ZNF407: variants seen among roughly 807,000 people sequenced by gnomAD.
ZNF407 encodes zinc finger protein 407.
ZNF407 carries 17 observed loss-of-function variants against 131.2 expected under a neutral mutation model. The ratio of observed to expected loss-of-function variants is 0.13; its 90% confidence interval spans 0.09 to 0.19. ZNF407 has a LOEUF of 0.19. Ranked by LOEUF, ZNF407 falls within the 10% of genes least tolerant of loss-of-function variation. The probability of loss-of-function intolerance (pLI) is 1.00; values close to 1 mark genes in which losing one functional copy is unlikely to be tolerated. For synonymous variants in ZNF407, 1,156 were observed against 1,062.0 expected, an observed-to-expected ratio of 1.09 and a Z score of -1.72; for missense variants, 2,681 against 2,830.6, an observed-to-expected ratio of 0.95 and a Z score of 1.20.
chr18:74,625,823 A>C (rs1983762616), intron 1 of ZNF407, among the ~76,000 whole-genome samples: 1 of 152,234 alleles, frequency 6.6e-6, no homozygotes, highest in African/African-American at 2.4e-5. Context: ...GTACCTTACA[A>C]GTGCTTGGAA....
Position 75,065,099 on chromosome 18 carries a change from G to T in ZNF407, c.*631G>T, listed in dbSNP as rs1973697562. 1 of 152,402 alleles carries T rather than the reference G, an allele frequency of 6.6e-6. No individual in the cohort carries two copies. Among genetic ancestry groups the T allele is most frequent in the East Asian group, 1.9e-4 (1 of 5,176 alleles). The allele number at this position is 152,402 out of a possible 1,614,324, so 9.4% of individuals were successfully genotyped here. A position where few individuals can be genotyped will look rare whatever the true frequency, so the allele number is the denominator to read the frequency against. Reference sequence around the variant, plus strand: ...AATTTCCCATCTTCAAACAGTTTAGGTGTATTTGTTGCTCTGGTCACATTC... The same window carrying T: ...AATTTCCCATCTTCAAACAGTTTAGTTGTATTTGTTGCTCTGGTCACATTC... On this transcript the variant is annotated 3_prime_UTR_variant, in exon 9 of 9. Coordinates refer to ENST00000299687, the MANE Select transcript of ZNF407 (RefSeq NM_017757.3).
chr18:74,650,594 T>G (rs939682679), intron 3 of ZNF407, among the ~76,000 whole-genome samples: 1 of 152,130 alleles, frequency 6.6e-6, no homozygotes, highest in African/African-American at 2.4e-5. Context: ...GGTCATACAC[T>G]TTAGGGTGGG....
intron 3 of ZNF407, among the ~76,000 whole-genome samples, chr18:74,706,940 C>CCTTTTTT (rs1967637808): frequency 7.6e-6 from 1 of 132,352 alleles, no homozygotes; most frequent in Non-Finnish European, 1.6e-5. Context: ...AAGACAGCAG[C>CCTTTTTT]TTTTTTTTTT....
Position 74,634,325 on chromosome 18 carries a change from A to G in ZNF407, c.3306A>G (p.Gln1102=), listed in dbSNP as rs748010613. The G allele has an allele frequency of 3.6e-5, 58 of 1,613,898 alleles. No homozygotes were observed. Among genetic ancestry groups the G allele is most frequent in the Non-Finnish European group, 4.6e-5 (54 of 1,179,882 alleles). The part of the protein sequence containing the change: ...KNIIMPEEEH[Q]QNSEEFQIIS... ...TCATTATGCCTGAAGAAGAGCATCA[A>G]CAAAATTCTGAGGAATTTCAAATAA... is the stretch of plus-strand genomic sequence containing the variant. The change falls in exon 2 of 9, where the codon CAA becomes CAG. Residue 1102 remains glutamine (Q), a synonymous_variant. Coordinates refer to ENST00000299687, the MANE Select transcript of ZNF407 (RefSeq NM_017757.3).
chr18:74,847,706 C>T (rs569244074), intron 4 of ZNF407, among the ~76,000 whole-genome samples: 104 of 152,300 alleles, frequency 6.8e-4, no homozygotes, highest in Non-Finnish European at 1.3e-3. Context: ...TGTATGTCTG[C>T]TGTCAGCATA....
intron 4 of ZNF407, among the ~76,000 whole-genome samples, chr18:74,839,483 G>A (rs1970602534): frequency 6.6e-6 from 1 of 152,168 alleles, no homozygotes; most frequent in Non-Finnish European, 1.5e-5. Context: ...GTGCTCTTAG[G>A]CCTTTCATCT....
chr18:74,970,657 A>G (rs1187643605), intron 8 of ZNF407, among the ~76,000 whole-genome samples: 1 of 152,156 alleles, frequency 6.6e-6, no homozygotes, highest in East Asian at 1.9e-4. Flanking sequence ...TGCCCCTGCC[A>G]CTTTGCAGGG....
chr18:75,011,690 TATC>T (rs1972976120), intron 8 of ZNF407, among the ~76,000 whole-genome samples: 1 of 152,180 alleles, frequency 6.6e-6, no homozygotes, highest in African/African-American at 2.4e-5. Context: ...TCAGTATTCT[TATC>T]ATGTCAAAAT....
At chr18:74,740,406 G>A (rs904656929) in intron 3 of ZNF407, among the ~76,000 whole-genome samples, 2 of 152,148 alleles carry the variant, frequency 1.3e-5, no homozygotes, top group African/African-American at 4.8e-5. Context: ...CCATTAGTAG[G>A]TAACGTTTAC....
intron 1 of ZNF407, among the ~76,000 whole-genome samples, chr18:74,625,059 T>C (rs1983726997): frequency 6.6e-6 from 1 of 152,248 alleles, no homozygotes. Flanking sequence ...AGTACATTTG[T>C]ATGACTACAG....
At chr18:74,972,484 C>T (rs1262570605) in intron 8 of ZNF407, among the ~76,000 whole-genome samples, 1 of 152,184 alleles carries the variant, frequency 6.6e-6, no homozygotes, top group African/African-American at 2.4e-5. Flanking sequence ...GAGGTTTTAG[C>T]TCCATCCCTC....
At chr18:74,668,599 A>G (rs1986021869) in intron 3 of ZNF407, among the ~76,000 whole-genome samples, 1 of 152,030 alleles carries the variant, frequency 6.6e-6, no homozygotes, top group Non-Finnish European at 1.5e-5. Context: ...CCCAAATGTA[A>G]TTTCCTTGTT....
intron 8 of ZNF407, among the ~76,000 whole-genome samples, chr18:74,924,660 C>T (rs1971889466): frequency 6.6e-6 from 1 of 152,068 alleles, no homozygotes; most frequent in African/African-American, 2.4e-5. Flanking sequence ...CAGTCTGACC[C>T]CATGTGTAGT....
chr18:74,999,421 T>C (rs1457143507), intron 8 of ZNF407, among the ~76,000 whole-genome samples: 2 of 151,646 alleles, frequency 1.3e-5, no homozygotes, highest in African/African-American at 4.9e-5. Flanking sequence ...TAGGTTTATT[T>C]ATACAAACTG....
At chr18:74,818,143 C>T (rs1970292352) in intron 4 of ZNF407, among the ~76,000 whole-genome samples, 1 of 152,218 alleles carries the variant, frequency 6.6e-6, no homozygotes, top group South Asian at 2.1e-4. Context: ...GGTTTGTGTA[C>T]TGTGCTGTGC....
chr18:74,624,456 T>C (rs35744218), intron 1 of ZNF407, among the ~76,000 whole-genome samples: 1,573 of 152,350 alleles, frequency 0.01, 29 homozygotes, highest in African/African-American at 0.035. Context: ...TAAACCACTC[T>C]GCATCCCTGC....
chr18:74,807,566 G>A (rs1687778699), intron 4 of ZNF407, among the ~76,000 whole-genome samples: 1 of 152,178 alleles, frequency 6.6e-6, no homozygotes, highest in Admixed American at 6.5e-5. Flanking sequence ...CCTAAGTACA[G>A]AAGTTGGACA....
chr18:74,727,848 T>C (rs1406723765), intron 3 of ZNF407, among the ~76,000 whole-genome samples: 2 of 151,828 alleles, frequency 1.3e-5, no homozygotes, highest in Non-Finnish European at 2.9e-5. Flanking sequence ...CACAGAGGAG[T>C]AGAGTGGCTC....
chr18:74,970,990 G>A (rs1972465977), intron 8 of ZNF407, among the ~76,000 whole-genome samples: 1 of 152,230 alleles, frequency 6.6e-6, no homozygotes, highest in African/African-American at 2.4e-5. Context: ...TGACTTCTGT[G>A]CACTCGCAGG....
Sources: allele counts gnomAD v4.1 joint callset (sites outside exome capture counted in the v4.1 genomes callset), GRCh38; gene constraint gnomAD v4.1.1; transcripts MANE v1.5; gene names NCBI Gene and HGNC (gene_info 2026-07-23, HGNC 2026-07-21).